Variants in ST6GAL2 observed in about 807,000 individuals in gnomAD.
The protein encoded by ST6GAL2 is ST6 beta-galactoside alpha-2,6-sialyltransferase 2, also known as beta-galactoside alpha-2,6-sialyltransferase 2.
In ST6GAL2, 24 loss-of-function variants were observed where a neutral mutation model predicts 37.5. The observed-to-expected ratio is 0.64, with a 90% CI of 0.46 to 0.90. The LOEUF (loss-of-function observed/expected upper bound fraction) is 0.90, where lower values mean the gene tolerates loss of function less well. Ranked by LOEUF, ST6GAL2 falls within the 40% of genes least tolerant of loss-of-function variation. ST6GAL2 has a pLI of 0.00. For synonymous variants in ST6GAL2, 306 were observed against 295.1 expected, an observed-to-expected ratio of 1.04 and a Z score of -0.38; for missense variants, 715 against 712.7, an observed-to-expected ratio of 1.00 and a Z score of -0.04.
At chr2:106,816,628 G>C (rs1334603375) in intron 5 of ST6GAL2, among the ~76,000 whole-genome samples, 1 of 152,132 alleles carries the variant, frequency 6.6e-6, no homozygotes, top group Non-Finnish European at 1.5e-5. Context: ...GTACACATTA[G>C]TTTTAAAACC....
chr2:106,845,625 T>C (rs896142607), intron 1 of ST6GAL2, among the ~76,000 whole-genome samples: 1 of 152,192 alleles, frequency 6.6e-6, no homozygotes, highest in African/African-American at 2.4e-5. Flanking sequence ...TCAAAATGAA[T>C]GTTCCTACCT....
chr2:106,839,059 CA>C (rs370175315), intron 2 of ST6GAL2, among the ~76,000 whole-genome samples: 4 of 136,290 alleles, frequency 2.9e-5, no homozygotes, highest in African/African-American at 1.0e-4. Flanking sequence ...AACAAACAAA[CA>C]AAAAAAACAA....
intron 5 of ST6GAL2, among the ~76,000 whole-genome samples, chr2:106,814,587 T>C (rs1023967739): frequency 2.6e-5 from 4 of 151,948 alleles, no homozygotes; most frequent in Non-Finnish European, 5.9e-5. Flanking sequence ...TCTATGTGTA[T>C]GTTGGGCAGA....
intron 5 of ST6GAL2, chr2:106,813,361 C>G (rs1675683638): frequency 1.9e-6 from 1 of 531,774 alleles, no homozygotes; most frequent in Non-Finnish European, 2.9e-6. Flanking sequence ...ATTTAAAAAG[C>G]ATTTCTACTG....
At chr2:106,826,446 A>T (rs1399277552) in intron 5 of ST6GAL2, among the ~76,000 whole-genome samples, 2 of 151,722 alleles carry the variant, frequency 1.3e-5, no homozygotes, top group African/African-American at 4.8e-5. Context: ...AGGCTGAGGC[A>T]GGAGAATTGC....
intron 1 of ST6GAL2, among the ~76,000 whole-genome samples, chr2:106,856,231 C>G (rs998370417): frequency 1.3e-5 from 2 of 152,202 alleles, no homozygotes; most frequent in African/African-American, 4.8e-5. Context: ...TCATGTATTC[C>G]ATCTTGGCTC....
rs1283100306 is a variant in ST6GAL2, at chr2:106,803,747, GA to G, written c.*2930del. The G allele has an allele frequency of 1.3e-5, 2 of 151,666 alleles. No individual in the cohort carries two copies. Among genetic ancestry groups the G allele is most frequent in the Admixed American group, 6.6e-5 (1 of 15,256 alleles). The allele number at this position is 151,666 out of a possible 1,614,324, so 9.4% of individuals were successfully genotyped here. ...TAACAGCTTCAGCTTGCACCAAGAGGATTTTTTTTTATCAGCTTCCCTTCAT... is the reference window on the plus strand; with the variant it reads ...TAACAGCTTCAGCTTGCACCAAGAGGTTTTTTTTTATCAGCTTCCCTTCAT... On this transcript the variant is annotated 3_prime_UTR_variant, in exon 6 of 6. Transcript: ENST00000409382.
At chr2:106,875,016 T>A (rs1166025423) in intron 1 of ST6GAL2, among the ~76,000 whole-genome samples, 2 of 152,200 alleles carry the variant, frequency 1.3e-5, no homozygotes, top group Non-Finnish European at 2.9e-5. Flanking sequence ...CTTCTTTGGC[T>A]TTAAGAAAAT....
At chr2:106,858,357 T>G (rs1677664408) in intron 1 of ST6GAL2, among the ~76,000 whole-genome samples, 2 of 152,190 alleles carry the variant, frequency 1.3e-5, no homozygotes, top group Admixed American at 1.3e-4. Flanking sequence ...TTCAGGATAC[T>G]GTGTAGTTTT....
chr2:106,839,402 T>C (rs67385458), intron 2 of ST6GAL2, among the ~76,000 whole-genome samples: 12,751 of 152,206 alleles, frequency 0.084, 1,156 homozygotes, highest in East Asian at 0.49. Context: ...CATATCTCTC[T>C]GTCCTTCTCC....
At chr2:106,828,102 T>C (rs897091390) in intron 5 of ST6GAL2, among the ~76,000 whole-genome samples, 3 of 152,204 alleles carry the variant, frequency 2.0e-5, no homozygotes, top group Non-Finnish European at 4.4e-5. Context: ...TGATTTCTTT[T>C]AACAAAAACA....
chr2:106,842,877 G>C (rs1676949374), intron 2 of ST6GAL2, among the ~76,000 whole-genome samples, 158 bp downstream of exon 2: 1 of 152,122 alleles, frequency 6.6e-6, no homozygotes, highest in Non-Finnish European at 1.5e-5. Flanking sequence ...GCCAGCAATG[G>C]GAAAGCACCT....
intron 1 of ST6GAL2, among the ~76,000 whole-genome samples, chr2:106,860,154 C>T (rs1677739881): frequency 6.6e-6 from 1 of 152,130 alleles, no homozygotes; most frequent in Non-Finnish European, 1.5e-5. Flanking sequence ...TGTTTGCATC[C>T]CTTTCTCTCT....
chr2:106,874,356 C>T (rs549001359), intron 1 of ST6GAL2, among the ~76,000 whole-genome samples: 8 of 152,172 alleles, frequency 5.3e-5, no homozygotes, highest in East Asian at 3.9e-4. Context: ...CCATAATAAT[C>T]GGGTCAAGGA....
intron 1 of ST6GAL2, among the ~76,000 whole-genome samples, chr2:106,850,180 T>C (rs1677300639): frequency 2.0e-5 from 3 of 151,876 alleles, no homozygotes; most frequent in African/African-American, 7.3e-5. Context: ...CATGGGGAGA[T>C]GACATATGGG....
At position 106,818,658 on chromosome 2, in the gene ST6GAL2, C is replaced by T. The variant is rs181696747; in HGVS notation, c.1318+11408G>A. 2.4e-4 allele frequency among the ~76,000 whole-genome samples: 37 copies of T among 152,160 alleles called. No individual in the cohort carries two copies. The East Asian group carries it at 7.0e-3, about 29-fold the overall frequency. ...CCAGACTGTGAAGACTACAATAATA[C>T]CTAACACTTGAATGCCCAGACACCA... is the stretch of plus-strand genomic sequence containing the variant. On this transcript the variant is annotated intron_variant, in intron 5 of 5. Transcript: ENST00000409382.
At chr2:106,862,467 C>CA (rs1293418942) in intron 1 of ST6GAL2, among the ~76,000 whole-genome samples, 1 of 152,012 alleles carries the variant, frequency 6.6e-6, no homozygotes, top group Non-Finnish European at 1.5e-5. Context: ...ATGAATTTGA[C>CA]AAAAATCTAT....
intron 3 of ST6GAL2, 92 bp from the exon 4 acceptor site, chr2:106,832,758 C>CA (rs1482348768): frequency 7.4e-6 from 6 of 816,124 alleles, no homozygotes; most frequent in Admixed American, 3.8e-5. Context: ...AGAACTGGGG[C>CA]AAAAAAACAG....
Position 106,843,275 on chromosome 2 carries a change from C to T in ST6GAL2, c.703G>A (p.Gly235Arg), listed in dbSNP as rs376167669. The T allele has an allele frequency of 1.2e-6, 2 of 1,608,580 alleles. No homozygotes were observed. The highest frequency in any genetic ancestry group is 1.3e-5 in the African/African-American group (1 of 74,996). ...TCCCGCTTCCCGCGGAAGCGCACCCCGTGCTTGTTGGCGGTCAGGTAATCC... is the reference window on the plus strand; with the variant it reads ...TCCCGCTTCCCGCGGAAGCGCACCCTGTGCTTGTTGGCGGTCAGGTAATCC... Reference protein sequence around the residue: ...MKDYLTANKHGVRFRGKREAG... With the variant: ...MKDYLTANKHRVRFRGKREAG... Residue 235 changes from glycine (G) to arginine (R), a missense_variant, in exon 2 of 6, where the codon GGG (glycine) becomes AGG (arginine). Gly to Arg is a moderately radical substitution (Grantham distance 125). Around this residue, in one of 3 missense-constraint regions of ST6GAL2, gnomAD observed 512 missense variants for 488.8 expected, o/e 1.05. Transcript: ENST00000409382.
Sources: allele counts gnomAD v4.1 joint callset (sites outside exome capture counted in the v4.1 genomes callset), GRCh38; gene constraint gnomAD v4.1.1; regional missense constraint gnomAD v4.1.1; transcripts MANE v1.5; gene names NCBI Gene and HGNC (gene_info 2026-07-23, HGNC 2026-07-21).